Variants in HTR4 observed in about 807,000 individuals in gnomAD.
The protein encoded by HTR4 is 5-hydroxytryptamine receptor 4.
Under a neutral mutation model 36.8 loss-of-function variants are expected in HTR4, and 16 were observed. The ratio of observed to expected loss-of-function variants is 0.43; its 90% CI spans 0.29 to 0.66. The LOEUF is 0.66. Ranked by LOEUF, HTR4 falls within the 30% of genes least tolerant of loss-of-function variation. HTR4 has a pLI of 0.13. For missense variants in HTR4, 438 were observed against 490.9 expected (o/e 0.89, Z 1.02); for synonymous variants, 189 against 185.1 (o/e 1.02, Z -0.17).
chr5:148,610,621 T>C (rs1335908520), intron 2 of HTR4, among the ~76,000 whole-genome samples: 1 of 151,984 alleles, frequency 6.6e-6, no homozygotes, highest in Non-Finnish European at 1.5e-5. Context: ...TCAGAGTGCC[T>C]CTCCTCCTCC....
intron 5 of HTR4, chr5:148,465,845 C>A: frequency 1.2e-6 from 2 of 1,609,420 alleles, no homozygotes; most frequent in South Asian, 1.1e-5. Flanking sequence ...CAGTGACAGA[C>A]TTACAGAGCA....
intron 2 of HTR4, among the ~76,000 whole-genome samples, chr5:148,623,425 G>A (rs1183230314): frequency 6.6e-6 from 1 of 152,124 alleles, no homozygotes; most frequent in Non-Finnish European, 1.5e-5. Flanking sequence ...GAAATACTCG[G>A]ATGTTTAACA....
At chr5:148,463,165 C>CTTTTTTTTTTTTTTTTTTTTTTT (rs71001490) in intron 5 of HTR4, among the ~76,000 whole-genome samples, 7 of 64,152 alleles carry the variant, frequency 1.1e-4, no homozygotes, top group Non-Finnish European at 1.4e-4. Flanking sequence ...CTTTTTTTTT[C>CTTTTTTTTTTTTTTTTTTTTTTT]TTTTTTTTTT....
chr5:148,496,828 G>C (rs79991112), intron 6 of HTR4, among the ~76,000 whole-genome samples: 14 of 152,338 alleles, frequency 9.2e-5, no homozygotes, highest in African/African-American at 3.4e-4. Context: ...GATGTTCACC[G>C]TACTGTAATA....
intron 2 of HTR4, among the ~76,000 whole-genome samples, chr5:148,626,777 A>C (rs1421335146): frequency 1.3e-5 from 2 of 152,198 alleles, no homozygotes; most frequent in African/African-American, 4.8e-5. Flanking sequence ...GTGGTCTAGA[A>C]ATTGGGAGTC....
chr5:148,590,287 C>CTTTTTTTTTTTTT (rs779077579), intron 2 of HTR4, among the ~76,000 whole-genome samples: 25 of 33,336 alleles, frequency 7.5e-4, no homozygotes, highest in Non-Finnish European at 9.6e-4. Context: ...TTTTTCTTTT[C>CTTTTTTTTTTTTT]TTTTTTTTTT....
chr5:148,596,306 TA>T (rs927624969), intron 2 of HTR4, among the ~76,000 whole-genome samples: 4 of 152,190 alleles, frequency 2.6e-5, no homozygotes, highest in African/African-American at 7.2e-5. Context: ...ACCTCACTAA[TA>T]AATAATCCTG....
At chr5:148,652,885 AT>A (rs1045526255) in intron 1 of HTR4, among the ~76,000 whole-genome samples, 16 of 152,210 alleles carry the variant, frequency 1.1e-4, no homozygotes, top group African/African-American at 3.6e-4. Flanking sequence ...CTTTTTACTA[AT>A]TTTTTTCCTG....
chr5:148,548,774 G>C lies in HTR4; in HGVS notation c.247C>G (p.Gln83Glu). The change falls in exon 4 of 7, where the codon CAA (glutamine) becomes GAA (glutamate). Residue 83 changes from glutamine to glutamate, a missense_variant. Gln to Glu is a conservative substitution (Grantham distance 29). Transcript: ENST00000377888. ...VMPFGAIELVQDIWIYGEVFC... is the reference protein window; with the variant it reads ...VMPFGAIELVEDIWIYGEVFC... The stretch of plus-strand genomic sequence containing the variant: ...ACCTCCCCATAAATCCAGATGTCTT[G>C]AACCAGCTCAATGGCACCAAAGGGC... The C allele has an allele frequency of 6.2e-7, 1 of 1,614,038 alleles. No homozygotes were observed. The highest frequency in any genetic ancestry group is 8.5e-7 in the Non-Finnish European group (1 of 1,179,976).
intron 2 of HTR4, among the ~76,000 whole-genome samples, chr5:148,632,388 CAT>C (rs1391013397): frequency 1.3e-5 from 2 of 152,090 alleles, no homozygotes; most frequent in Non-Finnish European, 2.9e-5. Context: ...GCACAACAGT[CAT>C]TTCGTGGAGA....
At chr5:148,628,483 AT>A (rs1447743675) in intron 2 of HTR4, 1 of 152,204 alleles carries the variant, frequency 6.6e-6, no homozygotes, top group African/African-American at 2.4e-5. Context: ...GTCGAAATCC[AT>A]TTTCATAGAT....
intron 6 of HTR4, among the ~76,000 whole-genome samples, chr5:148,487,255 C>T (rs1756206932): frequency 6.6e-6 from 1 of 152,094 alleles, no homozygotes; most frequent in African/African-American, 2.4e-5. Flanking sequence ...GTATTCTGCC[C>T]TCCAAATCAA....
chr5:148,572,967 T>C (rs1760734540), intron 2 of HTR4, among the ~76,000 whole-genome samples: 1 of 152,082 alleles, frequency 6.6e-6, no homozygotes, highest in Non-Finnish European at 1.5e-5. Flanking sequence ...TCTAGACAAT[T>C]AACCAGAATA....
chr5:148,599,061 A>C (rs1761890763), intron 2 of HTR4, among the ~76,000 whole-genome samples: 1 of 152,194 alleles, frequency 6.6e-6, no homozygotes, highest in South Asian at 2.1e-4. Context: ...AAAAACAGGA[A>C]GATAGTCAAG....
At chr5:148,465,953 A>G in intron 5 of HTR4, 2 of 1,607,616 alleles carry the variant, frequency 1.2e-6, no homozygotes, top group Non-Finnish European at 1.7e-6. Context: ...AAACAGCCAC[A>G]GATGAGGGAG....
intron 6 of HTR4, among the ~76,000 whole-genome samples, chr5:148,486,293 T>A (rs1042847526): frequency 1.3e-5 from 2 of 152,140 alleles, no homozygotes; most frequent in Non-Finnish European, 2.9e-5. Flanking sequence ...AAAAATGTGG[T>A]ACATTATACT....
At chr5:148,519,126 G>A (rs1897570) in intron 5 of HTR4, among the ~76,000 whole-genome samples, 39,622 of 151,954 alleles carry the variant, frequency 0.26, 5,870 homozygotes, top group Non-Finnish European at 0.34. Flanking sequence ...CTTTGAAGTC[G>A]TATAATTCCC....
At chr5:148,468,633 C>A (rs1755491446) in intron 5 of HTR4, among the ~76,000 whole-genome samples, 1 of 152,170 alleles carries the variant, frequency 6.6e-6, no homozygotes, top group Non-Finnish European at 1.5e-5. Context: ...AAGCAGATGT[C>A]ATTTGCTTAT....
At position 148,550,313 on chromosome 5, in the gene HTR4, G is replaced by A. The variant is rs913645951; in HGVS notation, c.27-51C>T. On this transcript the variant is annotated intron_variant, in intron 2 of 6. Transcript: ENST00000377888. ...AATTGAATGAAACTCTGGGACACAA[G>A]AAGGAAAATTCGTCTTTTCATCATT... 2.5e-6 allele frequency: 4 copies of A among 1,605,304 alleles called. No individual in the cohort carries two copies. In the African/African-American group the frequency reaches 5.4e-5, roughly 22 times the overall value.
Sources: gnomAD v4.1 joint callset for allele counts (sites outside exome capture counted in the v4.1 genomes callset) on GRCh38, gnomAD v4.1.1 for gene constraint, MANE v1.5 for transcripts, NCBI Gene and HGNC (gene_info 2026-07-23, HGNC 2026-07-21) for gene names.